Variants in WIPF2 observed in about 807,000 individuals in gnomAD.
WIPF2 encodes the protein WAS/WASL interacting protein family member 2.
WIPF2 carries 23 observed loss-of-function variants against 38.8 expected under a neutral mutation model. That is an observed-to-expected ratio of 0.59 (90% confidence interval 0.43 to 0.84). WIPF2 has a LOEUF of 0.84. Among genes scored for constraint, WIPF2 ranks in the 40% least tolerant of loss-of-function variants. WIPF2 has a pLI of 0.00. For synonymous variants in WIPF2, 210 were observed against 223.2 expected, an observed-to-expected ratio of 0.94 and a Z score of 0.53; for missense variants, 574 against 580.5, an observed-to-expected ratio of 0.99 and a Z score of 0.11.
intron 1 of WIPF2, among the ~76,000 whole-genome samples, chr17:40,232,595 A>G (rs2030794209): frequency 6.6e-6 from 1 of 151,672 alleles, no homozygotes; most frequent in Non-Finnish European, 1.5e-5. Flanking sequence ...ATGGGATTAC[A>G]GGTATGAGCC....
chr17:40,264,883 C>T lies in WIPF2; in HGVS notation c.707C>T (p.Pro236Leu), dbSNP rs529273263. The change falls in exon 5 of 8, where the codon CCT becomes CTT. Residue 236 changes from proline to leucine, a missense_variant. Physicochemically the swap from Pro to Leu is moderately conservative, Grantham distance 98. Coordinates refer to ENST00000323571, the MANE Select transcript of WIPF2 (RefSeq NM_133264.5). ...CCCCCAGTCAAACCACCTCCTTCCC[C>T]TGTGAATATCAGAACAGGACCAAGT... ...APPPVKPPPS[P>L]VNIRTGPSGQ... The T allele has an allele frequency of 3.7e-6, 6 of 1,614,222 alleles. No homozygotes were observed. In the African/African-American group the frequency reaches 4.0e-5, roughly 11 times the overall value.
At chr17:40,278,124 G>C in intron 7 of WIPF2, 61 bp from the exon 8 acceptor site, 2 of 1,560,374 alleles carry the variant, frequency 1.3e-6, no homozygotes, top group South Asian at 1.2e-5. Context: ...GGAATGTGTG[G>C]GTTGTTCAGA....
chr17:40,270,083 G>A (rs1159591486), intron 5 of WIPF2, among the ~76,000 whole-genome samples: 1 of 151,710 alleles, frequency 6.6e-6, no homozygotes, highest in East Asian at 2.0e-4. Flanking sequence ...ACTGGATCTG[G>A]GGCCGGGTGC....
chr17:40,266,812 A>G (rs8078225), intron 5 of WIPF2, among the ~76,000 whole-genome samples: 37,475 of 151,806 alleles, frequency 0.25, 6,830 homozygotes, highest in African/African-American at 0.52. Flanking sequence ...GAGGCCAGAG[A>G]AAAGAGAATG....
At chr17:40,235,546 A>G (rs1294922703) in intron 1 of WIPF2, among the ~76,000 whole-genome samples, 1 of 151,502 alleles carries the variant, frequency 6.6e-6, no homozygotes, top group African/African-American at 2.4e-5. Flanking sequence ...AGGCTTTATG[A>G]AAGGAGTCTT....
intron 1 of WIPF2, among the ~76,000 whole-genome samples, chr17:40,255,918 G>A (rs554271204): frequency 1.3e-5 from 2 of 151,898 alleles, no homozygotes; most frequent in African/African-American, 4.8e-5. Flanking sequence ...GAGCCACCGC[G>A]CCTGGCCCAA....
Position 40,262,631 on chromosome 17 carries a change from G to A in WIPF2, c.303G>A (p.Lys101=), listed in dbSNP as rs768809051. 62 of 1,613,420 alleles carry A rather than the reference G, an allele frequency of 3.8e-5. No homozygotes were observed. In the South Asian group the frequency reaches 5.6e-4, roughly 15 times the overall value. ...TGAAGCTTCGACCTGTGGGAGCCAA[G>A]GATGGTTCAGGTATCTGATGAGTAC... ...GVLKLRPVGA[K]DGSENLAGKP... Residue 101 remains lysine, a synonymous_variant, in exon 4 of 8, where the codon AAG becomes AAA. Coordinates refer to ENST00000323571, the MANE Select transcript of WIPF2 (RefSeq NM_133264.5).
intron 1 of WIPF2, among the ~76,000 whole-genome samples, chr17:40,242,916 G>A (rs2031241501): frequency 6.6e-6 from 1 of 152,186 alleles, no homozygotes; most frequent in African/African-American, 2.4e-5. Flanking sequence ...GCCTTGAGGG[G>A]TTGGGCGTGA....
At chr17:40,233,740 C>A (rs1027971633) in intron 1 of WIPF2, among the ~76,000 whole-genome samples, 2 of 151,908 alleles carry the variant, frequency 1.3e-5, no homozygotes, top group Non-Finnish European at 2.9e-5. Flanking sequence ...ACCAGCCTGG[C>A]CAACATGGTG....
chr17:40,224,780 A>G (rs1005006151), intron 1 of WIPF2, among the ~76,000 whole-genome samples: 2 of 151,914 alleles, frequency 1.3e-5, no homozygotes, highest in African/African-American at 4.8e-5. Flanking sequence ...TGGGTCAGAT[A>G]ATGGCCTCTG....
chr17:40,263,021 A>G (rs1359129009), intron 4 of WIPF2, among the ~76,000 whole-genome samples: 1 of 152,186 alleles, frequency 6.6e-6, no homozygotes, highest in Non-Finnish European at 1.5e-5. Flanking sequence ...TCGTAGAAGT[A>G]GAGAGTGAAA....
In WIPF2 at chr17:40,264,573, C is replaced by T. The variant is rs770203256; in HGVS notation, c.397C>T (p.Arg133Cys). 13 of 1,613,994 alleles carry T rather than the reference C, an allele frequency of 8.1e-6. No individual in the cohort carries two copies. The highest frequency in any genetic ancestry group is 6.6e-5 in the South Asian group (6 of 91,080). The change falls in exon 5 of 8, where the codon CGT becomes TGT. Residue 133 changes from arginine to cysteine, a missense_variant. By Grantham distance (180) the Arg-to-Cys change is radical. Transcript: ENST00000323571. Reference protein sequence around the residue: ...PRPPVSAASGRPQDDTDSSRA... With the variant: ...PRPPVSAASGCPQDDTDSSRA... ...GCCTCCAGTATCTGCCGCCAGCGGG[C>T]GTCCTCAGGATGATACAGACAGCAG...
intron 1 of WIPF2, among the ~76,000 whole-genome samples, chr17:40,228,389 A>G (rs548878320): frequency 6.6e-6 from 1 of 152,126 alleles, no homozygotes; most frequent in Non-Finnish European, 1.5e-5. Flanking sequence ...ACTGATAGAC[A>G]TACACAGTTT....
At chr17:40,220,631 A>ATT (rs1202946562) in intron 1 of WIPF2, 13 of 124,020 alleles carry the variant, frequency 1.0e-4, no homozygotes, top group African/African-American at 3.9e-4. Flanking sequence ...ATATATATAT[A>ATT]TTTTTTTGTT....
Position 40,281,366 on chromosome 17 carries a change from C to T in WIPF2, c.*3141C>T, listed in dbSNP as rs1349528359. On this transcript the variant is annotated 3_prime_UTR_variant, in exon 8 of 8. Coordinates refer to ENST00000323571, the MANE Select transcript of WIPF2 (RefSeq NM_133264.5). ...CAGGTTTTTAAATGAGCTAGATGCCCCTCTTCCTCTTCTCTGGTCACTGAA... is the reference window on the plus strand; with the variant it reads ...CAGGTTTTTAAATGAGCTAGATGCCTCTCTTCCTCTTCTCTGGTCACTGAA... The T allele has an allele frequency of 6.6e-6, 1 of 152,162 alleles. No individual in the cohort carries two copies. The highest frequency in any genetic ancestry group is 1.5e-5 in the Non-Finnish European group (1 of 68,042). 9.4% of individuals were successfully genotyped at this position (152,162 alleles called of 1,614,324 possible).
At chr17:40,271,366 A>G (rs888772400) in intron 5 of WIPF2, among the ~76,000 whole-genome samples, 3 of 152,224 alleles carry the variant, frequency 2.0e-5, no homozygotes, top group African/African-American at 7.2e-5. Flanking sequence ...TTATTGGGCC[A>G]CGTGCTGTGG....
intron 1 of WIPF2, among the ~76,000 whole-genome samples, chr17:40,234,440 C>CAA: frequency 6.6e-6 from 1 of 150,786 alleles, no homozygotes; most frequent in African/African-American, 2.5e-5. Flanking sequence ...TCAAAACAAA[C>CAA]AAACAAACAA....
rs1487489302 is a variant in WIPF2 at position 40,283,681 on chromosome 17, G to C, written c.*5456G>C. ...ACCTGTGTTGCATGGCAGATTCTCA[G>C]ATTGAGGCTAAAGAAAAGAAGGGTG... On this transcript the variant is annotated 3_prime_UTR_variant, in exon 8 of 8. Transcript: ENST00000323571. 6.6e-6 allele frequency: 1 copy of C among 152,168 alleles called. No individual in the cohort carries two copies. Among genetic ancestry groups the C allele is most frequent in the Non-Finnish European group, 1.5e-5 (1 of 68,044 alleles). The allele number at this position is 152,168 out of a possible 1,614,324, so 9.4% of individuals were successfully genotyped here.
chr17:40,262,648 G>T lies in WIPF2; in HGVS notation c.313+7G>T. The stretch of plus-strand genomic sequence containing the variant: ...GGAGCCAAGGATGGTTCAGGTATCT[G>T]ATGAGTACTTTCCCAGGGTATTTCC... On this transcript the variant is annotated splice_region_variant and intron_variant, in intron 4 of 7. Transcript: ENST00000323571. 1 of 1,608,780 alleles carries T rather than the reference G, an allele frequency of 6.2e-7. No individual in the cohort carries two copies. The highest frequency in any genetic ancestry group is 1.1e-5 in the South Asian group (1 of 90,918).
Sources: allele counts gnomAD v4.1 joint callset (sites outside exome capture counted in the v4.1 genomes callset), GRCh38; gene constraint gnomAD v4.1.1; transcripts MANE v1.5; gene names NCBI Gene and HGNC (gene_info 2026-07-23, HGNC 2026-07-21).